The following KLF12 variants were observed in gnomAD, a reference collection of about 807,000 sequenced individuals.
KLF12 encodes Krueppel-like factor 12.
KLF12 carries 9 observed loss-of-function variants against 37.8 expected under a neutral mutation model. The observed-to-expected ratio is 0.24, with a 90% confidence interval of 0.14 to 0.42. The LOEUF is 0.42. Ranked by LOEUF, KLF12 falls within the 10% of genes least tolerant of loss-of-function variation. The probability of loss-of-function intolerance (pLI) is 1.00; values close to 1 mark genes in which losing one functional copy is unlikely to be tolerated. For missense variants in KLF12, 411 were observed against 516.0 expected (o/e 0.80, Z 1.97); for synonymous variants, 208 against 202.1 (o/e 1.03, Z -0.25).
At chr13:73,781,997 C>T (rs1210261671) in intron 5 of KLF12, among the ~76,000 whole-genome samples, 2 of 152,108 alleles carry the variant, frequency 1.3e-5, no homozygotes, top group Non-Finnish European at 2.9e-5. Context: ...TGAATCAGAA[C>T]ATGTTCTTAG....
intron 2 of KLF12, among the ~76,000 whole-genome samples, chr13:73,969,040 A>C (rs1044848610): frequency 2.0e-4 from 30 of 152,280 alleles, no homozygotes; most frequent in African/African-American, 7.0e-4. Flanking sequence ...AAAAAAAAAA[A>C]AAAAACCTAT....
At chr13:74,272,520 G>A in the KLF12 span, among the ~76,000 whole-genome samples, 1 of 152,072 alleles carries the variant, frequency 6.6e-6, no homozygotes, top group Non-Finnish European at 1.5e-5. Context: ...TACACAAGAG[G>A]GCCTGAGATA....
the KLF12 span, among the ~76,000 whole-genome samples, chr13:74,248,291 A>G: frequency 5.3e-5 from 8 of 152,230 alleles, no homozygotes; most frequent in African/African-American, 1.9e-4. Context: ...TGCTATTGCT[A>G]TGAGGAAACA....
the KLF12 span, among the ~76,000 whole-genome samples, chr13:74,243,361 G>A: frequency 2.6e-5 from 4 of 152,070 alleles, no homozygotes; most frequent in Non-Finnish European, 5.9e-5. Context: ...TCATTGATGG[G>A]CATTTGGGTT....
chr13:74,078,200 C>T (rs141683671), intron 1 of KLF12, among the ~76,000 whole-genome samples: 126 of 152,234 alleles, frequency 8.3e-4, no homozygotes, highest in Admixed American at 3.0e-3. Context: ...AGGAGGAGTG[C>T]GCATTTACAG....
intron 1 of KLF12, among the ~76,000 whole-genome samples, chr13:74,076,959 C>T (rs922073006): frequency 6.6e-6 from 1 of 152,142 alleles, no homozygotes; most frequent in African/African-American, 2.4e-5. Context: ...ATCCATGTTC[C>T]CACAAAAGAC....
At chr13:74,205,100 G>A in the KLF12 span, among the ~76,000 whole-genome samples, 2 of 152,022 alleles carry the variant, frequency 1.3e-5, no homozygotes, top group African/African-American at 4.8e-5. Flanking sequence ...CTTGCTTGTG[G>A]CTTGCTCTGT....
the KLF12 span, among the ~76,000 whole-genome samples, chr13:74,182,270 T>C: frequency 1.3e-5 from 2 of 152,194 alleles, no homozygotes; most frequent in African/African-American, 4.8e-5. Flanking sequence ...CTTTTATTAG[T>C]TTCTACTTTA....
chr13:74,219,613 A>G, the KLF12 span, among the ~76,000 whole-genome samples: 1 of 152,202 alleles, frequency 6.6e-6, no homozygotes, highest in Admixed American at 6.5e-5. Flanking sequence ...TTTTAGAAAA[A>G]AGTTTAAAAA....
chr13:74,011,639 C>G (rs893772737), intron 1 of KLF12, among the ~76,000 whole-genome samples: 1 of 152,264 alleles, frequency 6.6e-6, no homozygotes, highest in East Asian at 1.9e-4. Context: ...CTAAGTACTA[C>G]ATTAAATCCA....
At chr13:74,136,733 A>G (rs1878567976), upstream of KLF12, among the ~76,000 whole-genome samples, 1 of 152,042 alleles carries the variant, frequency 6.6e-6, no homozygotes, top group Non-Finnish European at 1.5e-5. Flanking sequence ...TAAGGAAACT[A>G]GGGGTAGGTC....
intron 2 of KLF12, among the ~76,000 whole-genome samples, chr13:73,956,060 T>C (rs1890821296): frequency 6.6e-6 from 1 of 152,238 alleles, no homozygotes; most frequent in Non-Finnish European, 1.5e-5. Context: ...TCTCCAATTC[T>C]AAAACGTACC....
intron 1 of KLF12, among the ~76,000 whole-genome samples, chr13:74,114,083 T>G (rs1877138841): frequency 6.6e-6 from 1 of 152,178 alleles, no homozygotes; most frequent in African/African-American, 2.4e-5. Context: ...ACAATAAAAC[T>G]TTCATGGATG....
chr13:74,098,887 G>C (rs1366976791), intron 1 of KLF12, among the ~76,000 whole-genome samples: 1 of 152,002 alleles, frequency 6.6e-6, no homozygotes, highest in South Asian at 2.1e-4. Flanking sequence ...AATTCACATG[G>C]AACACAGTAT....
chr13:73,915,842 T>A (rs1888802736), intron 3 of KLF12, among the ~76,000 whole-genome samples: 2 of 152,106 alleles, frequency 1.3e-5, no homozygotes, highest in South Asian at 4.2e-4. Context: ...TTTTTCAGTA[T>A]TTTTGAATTT....
the KLF12 span, among the ~76,000 whole-genome samples, chr13:74,188,256 C>T: frequency 1.1e-4 from 16 of 152,038 alleles, no homozygotes; most frequent in African/African-American, 2.9e-4. Flanking sequence ...AAATATTTAT[C>T]GACTACCTAC....
intron 1 of KLF12, among the ~76,000 whole-genome samples, chr13:74,033,116 C>T (rs557670303): frequency 4.3e-4 from 66 of 152,176 alleles, no homozygotes; most frequent in Non-Finnish European, 8.5e-4. Context: ...AAAACCAGTG[C>T]TGCCTGCCCT....
chr13:74,028,544 CAT>C (rs774174627), intron 1 of KLF12, among the ~76,000 whole-genome samples: 2 of 151,978 alleles, frequency 1.3e-5, no homozygotes, highest in Non-Finnish European at 2.9e-5. Context: ...AATATATATA[CAT>C]ATTTTATAAT....
At chr13:73,708,190 T>G (rs1383647947) in intron 7 of KLF12, among the ~76,000 whole-genome samples, 1 of 152,152 alleles carries the variant, frequency 6.6e-6, no homozygotes, top group Non-Finnish European at 1.5e-5. Context: ...ATATGAATAA[T>G]TCCTAAGAAA....
Sources: gnomAD v4.1 joint callset for allele counts (sites outside exome capture counted in the v4.1 genomes callset) on GRCh38, gnomAD v4.1.1 for gene constraint, MANE v1.5 for transcripts, NCBI Gene and HGNC (gene_info 2026-07-23, HGNC 2026-07-21) for gene names.